Variants in CEP170B observed in about 807,000 individuals in gnomAD.
CEP170B encodes centrosomal protein 170B.
CEP170B carries 55 observed loss-of-function variants against 120.6 expected under a neutral mutation model. The ratio of observed to expected loss-of-function variants is 0.46; its 90% CI spans 0.37 to 0.57. The LOEUF is 0.57. Among genes scored for constraint, CEP170B ranks in the 20% least tolerant of loss-of-function variants. The pLI, the probability that CEP170B is intolerant of heterozygous loss-of-function variation, is 0.00. For synonymous variants in CEP170B, 1,033 were observed against 954.5 expected, an observed-to-expected ratio of 1.08 and a Z score of -1.52; for missense variants, 2,212 against 2,253.3, an observed-to-expected ratio of 0.98 and a Z score of 0.37.
At chr14:104,890,590 G>GA (rs1896787614) in intron 13 of CEP170B, among the ~76,000 whole-genome samples, 1 of 77,530 alleles carries the variant, frequency 1.3e-5, no homozygotes. Context: ...GGATGGATGG[G>GA]TGAGTGAGTG....
At chr14:104,890,149 G>T (rs1436914748) in intron 13 of CEP170B, among the ~76,000 whole-genome samples, 80 of 99,292 alleles carry the variant, frequency 8.1e-4, no homozygotes, top group Non-Finnish European at 1.3e-3. Context: ...TGGGTGGATG[G>T]ATGGATGGAT....
At chr14:104,881,771 GC>G (rs1161915753) in intron 6 of CEP170B, among the ~76,000 whole-genome samples, 1 of 152,202 alleles carries the variant, frequency 6.6e-6, no homozygotes. Flanking sequence ...TGCCTCAGCA[GC>G]CCCTGGGTGT....
rs756383925 is a variant in CEP170B, at chr14:104,887,497, G to A, written c.3258G>A (p.Pro1086=). The change falls in exon 12 of 19, where the codon CCG becomes CCA. Residue 1086 remains proline, a synonymous_variant. Coordinates refer to ENST00000414716, the MANE Select transcript of CEP170B (RefSeq NM_001112726.3). ...CTCGCCGGAAACCAGCGGCCCCACC[G>A]CCATCCCCAGCTGCCCGGGAGGAGC... The part of the protein sequence containing the change: ...LGSRRKPAAP[P]PSPAAREEQS... 1.1e-5 allele frequency: 17 copies of A among 1,611,638 alleles called. No individual in the cohort carries two copies. The East Asian group carries it at 1.3e-4, about 13-fold the overall frequency.
chr14:104,866,536 G>A (rs957362442), intron 1 of CEP170B, among the ~76,000 whole-genome samples: 37 of 152,216 alleles, frequency 2.4e-4, no homozygotes, highest in African/African-American at 8.4e-4. Context: ...CTGGAGCTGG[G>A]TGCGTGGCTT....
Position 104,887,234 on chromosome 14 carries a change from G to T in CEP170B, c.2995G>T (p.Ala999Ser). ...PPAAQDPGGT[A>S]LVSAREQSSE... The stretch of plus-strand genomic sequence containing the variant: ...AGCTGCACAGGACCCGGGAGGCACC[G>T]CCCTGGTCAGTGCCCGTGAGCAGTC... The change falls in exon 12 of 19, where the codon GCC (alanine) becomes TCC (serine). Residue 999 changes from alanine (A) to serine (S), a missense_variant. Coordinates refer to ENST00000414716, the MANE Select transcript of CEP170B (RefSeq NM_001112726.3). The T allele has an allele frequency of 6.2e-7, 1 of 1,606,156 alleles. No individual in the cohort carries two copies. Among genetic ancestry groups the T allele is most frequent in the Non-Finnish European group, 8.5e-7 (1 of 1,179,538 alleles).
At chr14:104,889,591 C>T (rs976072902) in intron 12 of CEP170B, 29 bp from the exon 13 acceptor site, 1 of 1,608,022 alleles carries the variant, frequency 6.2e-7, no homozygotes, top group South Asian at 1.1e-5. Context: ...ACGGCTCCCC[C>T]AAACACACAC....
chr14:104,890,166 A>G (rs1372880294), intron 13 of CEP170B, among the ~76,000 whole-genome samples: 15 of 38,778 alleles, frequency 3.9e-4, no homozygotes, highest in African/African-American at 7.1e-4. Context: ...GGATGCATGG[A>G]TGGATGGATG....
chr14:104,885,776 G>A (rs1451170133), intron 10 of CEP170B, among the ~76,000 whole-genome samples: 1 of 152,202 alleles, frequency 6.6e-6, no homozygotes. Context: ...ACAGGGCCAC[G>A]GCTGCTCTGC....
Position 104,894,269 on chromosome 14 carries a change from C to T in CEP170B, c.4272-16C>T, listed in dbSNP as rs756694212. ...GTCCTTGTCCCCCCATTTCTGCCTC[C>T]CCCTACCTCGGACAGGATCCTCTTT... On this transcript the variant is annotated splice_polypyrimidine_tract_variant and intron_variant, in intron 16 of 18. Coordinates refer to ENST00000414716, the MANE Select transcript of CEP170B (RefSeq NM_001112726.3). 5 of 1,598,086 alleles carry T rather than the reference C, an allele frequency of 3.1e-6. No individual in the cohort carries two copies. The highest frequency in any genetic ancestry group is 1.7e-6 in the Non-Finnish European group (2 of 1,165,894).
Position 104,885,267 on chromosome 14 carries a change from G to T in CEP170B, c.1771-102G>T, listed in dbSNP as rs560451208. 3.7e-6 allele frequency: 5 copies of T among 1,350,670 alleles called. No homozygotes were observed. The African/African-American group carries it at 7.6e-5, about 20-fold the overall frequency. 83.7% of individuals were successfully genotyped at this position (1,350,670 alleles called of 1,614,324 possible). A position where few individuals can be genotyped will look rare whatever the true frequency, so the allele number is the denominator to read the frequency against. On this transcript the variant is annotated intron_variant, in intron 9 of 18. Coordinates refer to ENST00000414716, the MANE Select transcript of CEP170B (RefSeq NM_001112726.3). ...GGCCACCAGCCACTCTGGCCAACCA[G>T]GTCCCTGCTCTCCCTGTGGCCTGGG... is the stretch of plus-strand genomic sequence containing the variant.
At chr14:104,890,928 A>AGTGGGTGGATGGATGGGTGG (rs1178228671) in intron 13 of CEP170B, among the ~76,000 whole-genome samples, 1 of 34,520 alleles carries the variant, frequency 2.9e-5, no homozygotes, top group Non-Finnish European at 5.5e-5. Flanking sequence ...TGGATGGATG[A>AGTGGGTGGATGGATGGGTGG]GTGGGTGGAT....
chr14:104,884,541 A>T lies in CEP170B; in HGVS notation c.1762A>T (p.Ile588Phe). 6.4e-7 allele frequency: 1 copy of T among 1,555,988 alleles called. No homozygotes were observed. Among genetic ancestry groups the T allele is most frequent in the African/African-American group, 1.4e-5 (1 of 72,910 alleles). The change falls in exon 9 of 19, where the codon ATC (isoleucine) becomes TTC (phenylalanine). Residue 588 changes from isoleucine (I) to phenylalanine (F), a missense_variant. Coordinates refer to ENST00000414716, the MANE Select transcript of CEP170B (RefSeq NM_001112726.3). ...DTEVEEARKMIDQVFGVLESP... is the reference protein window; with the variant it reads ...DTEVEEARKMFDQVFGVLESP... ...GGAGGTGGAGGAGGCCCGGAAGATG[A>T]TCGACCAGGTGCAGCCCAGCGGCGA...
chr14:104,895,262 A>C lies in CEP170B; in HGVS notation c.*304A>C. ...AAGGGCATTACCCCGCCTCCTCTTCATCACTGTTATTTTTGTCTTTAGCTT... is the reference window on the plus strand; with the variant it reads ...AAGGGCATTACCCCGCCTCCTCTTCCTCACTGTTATTTTTGTCTTTAGCTT... On this transcript the variant is annotated 3_prime_UTR_variant, in exon 19 of 19. Coordinates refer to ENST00000414716, the MANE Select transcript of CEP170B (RefSeq NM_001112726.3). 5.3e-6 allele frequency: 2 copies of C among 377,660 alleles called. No individual in the cohort carries two copies. Among genetic ancestry groups the C allele is most frequent in the Non-Finnish European group, 9.5e-6 (2 of 211,426 alleles). The allele number at this position is 377,660 out of a possible 1,614,324, so 23.4% of individuals were successfully genotyped here.
At chr14:104,876,378 A>G (rs369765200) in intron 3 of CEP170B, 33 bp downstream of exon 3, 1 of 1,543,534 alleles carries the variant, frequency 6.5e-7, no homozygotes, top group Non-Finnish European at 8.8e-7. Context: ...TGGCCTTTTA[A>G]CAGCTCGACC....
chr14:104,883,806 A>C, intron 8 of CEP170B, 25 bp from the exon 9 acceptor site: 2 of 1,506,346 alleles, frequency 1.3e-6, no homozygotes, highest in Non-Finnish European at 1.8e-6. Flanking sequence ...CGGCCTGACA[A>C]GGTGGGGTCC....
intron 10 of CEP170B, among the ~76,000 whole-genome samples, chr14:104,885,774 A>G (rs1159162575): frequency 2.6e-5 from 4 of 152,150 alleles, no homozygotes; most frequent in Non-Finnish European, 5.9e-5. Flanking sequence ...GGACAGGGCC[A>G]CGGCTGCTCT....
Position 104,895,062 on chromosome 14 carries a change from C to A in CEP170B, c.*104C>A. ...CGCAGGTGGTTCTCCCTGAAGACCC[C>A]CACATGTGCCATATCCCTGTGGGCG... On this transcript the variant is annotated 3_prime_UTR_variant, in exon 19 of 19. Coordinates refer to ENST00000414716, the MANE Select transcript of CEP170B (RefSeq NM_001112726.3). 2 of 1,303,586 alleles carry A rather than the reference C, an allele frequency of 1.5e-6. No homozygotes were observed. Among genetic ancestry groups the A allele is most frequent in the Non-Finnish European group, 2.1e-6 (2 of 971,486 alleles). 80.8% of individuals were successfully genotyped at this position (1,303,586 alleles called of 1,614,324 possible). A position where few individuals can be genotyped will look rare whatever the true frequency, so the allele number is the denominator to read the frequency against.
At chr14:104,893,739 T>C (rs1390303353) in intron 15 of CEP170B, 22 bp from the exon 16 acceptor site, 4 of 1,598,542 alleles carry the variant, frequency 2.5e-6, no homozygotes, top group Middle Eastern at 3.3e-4. Flanking sequence ...GGCGGGGCCA[T>C]GCTGAGGCCG....
In CEP170B at chr14:104,895,119, C is replaced by A; in HGVS notation, c.*161C>A. 1 of 791,376 alleles carries A rather than the reference C, an allele frequency of 1.3e-6. No individual in the cohort carries two copies. Among genetic ancestry groups the A allele is most frequent in the Non-Finnish European group, 1.9e-6 (1 of 519,422 alleles). 49.0% of individuals were successfully genotyped at this position (791,376 alleles called of 1,614,324 possible). On this transcript the variant is annotated 3_prime_UTR_variant, in exon 19 of 19. Coordinates refer to ENST00000414716, the MANE Select transcript of CEP170B (RefSeq NM_001112726.3). ...TCCCACGCCCTTGCCCCCTCGTCAG[C>A]TCCCAGCCAGCACCCTACTCACCCT...
Sources: allele counts gnomAD v4.1 joint callset (sites outside exome capture counted in the v4.1 genomes callset), GRCh38; gene constraint gnomAD v4.1.1; transcripts MANE v1.5; gene names NCBI Gene and HGNC (gene_info 2026-07-23, HGNC 2026-07-21).